The following SHQ1 variants were observed in gnomAD, a reference collection of about 807,000 sequenced individuals.
SHQ1 encodes protein SHQ1 homolog.
A neutral mutation model predicts 53.8 loss-of-function variants in SHQ1; 49 were observed. The ratio of observed to expected loss-of-function variants is 0.91; its 90% confidence interval spans 0.72 to 1.16. SHQ1 has a LOEUF of 1.16. Ranked by LOEUF, SHQ1 falls within the 50% of genes most tolerant of loss-of-function variation. The pLI, the probability that SHQ1 is intolerant of heterozygous loss-of-function variation, is 0.00. For missense variants in SHQ1, 738 were observed against 683.1 expected (o/e 1.08, Z -0.90); for synonymous variants, 243 against 251.0 (o/e 0.97, Z 0.30).
intron 9 of SHQ1, among the ~76,000 whole-genome samples, chr3:72,799,223 G>A (rs1401177048): frequency 1.3e-5 from 2 of 152,058 alleles, no homozygotes; most frequent in East Asian, 3.8e-4. Flanking sequence ...CAAAACACCT[G>A]AGGGAAAGCA....
intron 10 of SHQ1, among the ~76,000 whole-genome samples, chr3:72,761,887 G>T (rs989100423): frequency 6.6e-6 from 1 of 152,128 alleles, no homozygotes; most frequent in Non-Finnish European, 1.5e-5. Context: ...CAATTATATA[G>T]AGAGTCATTT....
chr3:72,751,508 G>GTGTGTGTGTGTGTGTGTATATATATATA (rs1210782182), intron 10 of SHQ1, among the ~76,000 whole-genome samples: 2 of 116,984 alleles, frequency 1.7e-5, no homozygotes, highest in African/African-American at 8.9e-5. Context: ...GTGTGTGTGT[G>GTGTGTGTGTGTGTGTGTATATATATATA]TATATATATA....
chr3:72,845,274 A>T (rs1266345661), intron 1 of SHQ1, among the ~76,000 whole-genome samples: 1 of 152,160 alleles, frequency 6.6e-6, no homozygotes, highest in Non-Finnish European at 1.5e-5. Context: ...ACCTTAGGTC[A>T]GGAGTTCAAG....
At chr3:72,828,717 G>A (rs895565916) in intron 5 of SHQ1, among the ~76,000 whole-genome samples, 31 of 152,168 alleles carry the variant, frequency 2.0e-4, no homozygotes, top group Middle Eastern at 3.4e-3. Flanking sequence ...GAGAAAAGCC[G>A]TGTGGTATAG....
At chr3:72,733,365 C>T in the SHQ1 span, among the ~76,000 whole-genome samples, 12 of 151,618 alleles carry the variant, frequency 7.9e-5, 1 homozygote, top group African/African-American at 2.9e-4. Flanking sequence ...ATTCAAAAAG[C>T]ATGGATTGAG....
chr3:72,820,645 G>T (rs1707448280), intron 6 of SHQ1, among the ~76,000 whole-genome samples: 1 of 152,192 alleles, frequency 6.6e-6, no homozygotes, highest in South Asian at 2.1e-4. Flanking sequence ...TGCCAACAAT[G>T]CTTGGATGAT....
chr3:72,816,948 G>C (rs1427308894), intron 7 of SHQ1, among the ~76,000 whole-genome samples: 1 of 152,188 alleles, frequency 6.6e-6, no homozygotes, highest in South Asian at 2.1e-4. Context: ...TGAGAGCTCA[G>C]AGTAGCCTTC....
At chr3:72,756,108 A>C (rs1006576172) in intron 10 of SHQ1, among the ~76,000 whole-genome samples, 1 of 152,070 alleles carries the variant, frequency 6.6e-6, no homozygotes, top group African/African-American at 2.4e-5. Flanking sequence ...TATGTTGCCC[A>C]GGCTGGTCTC....
chr3:72,777,457 T>C (rs558588055), intron 10 of SHQ1, among the ~76,000 whole-genome samples: 217 of 152,344 alleles, frequency 1.4e-3, no homozygotes, highest in Non-Finnish European at 2.7e-3. Context: ...TCAGCTTCAC[T>C]AGTAATTAGG....
Sources: gnomAD v4.1 joint callset for allele counts (sites outside exome capture counted in the v4.1 genomes callset) on GRCh38, gnomAD v4.1.1 for gene constraint, MANE v1.5 for transcripts, NCBI Gene and HGNC (gene_info 2026-07-23, HGNC 2026-07-21) for gene names.